Variants in AKAP19 observed in about 807,000 individuals in gnomAD.
AKAP19 encodes the protein small A-kinase anchoring protein.
chr2:190,051,579 A>G, the AKAP19 span, among the ~76,000 whole-genome samples: 1 of 152,242 alleles, frequency 6.6e-6, no homozygotes, highest in African/African-American at 2.4e-5. Flanking sequence ...ACTTGGTGCA[A>G]TTTGTTTCAG....
At chr2:190,067,896 T>A in the AKAP19 span, among the ~76,000 whole-genome samples, 5,674 of 152,176 alleles carry the variant, frequency 0.037, 365 homozygotes, top group African/African-American at 0.13. Flanking sequence ...TCCTCATTTT[T>A]TCTATTGAAA....
At chr2:190,194,416 G>T in the AKAP19 span, among the ~76,000 whole-genome samples, 1 of 151,442 alleles carries the variant, frequency 6.6e-6, no homozygotes, top group Non-Finnish European at 1.5e-5. Context: ...CTGTTTTTCA[G>T]AGCAGTTTTA....
the AKAP19 span, among the ~76,000 whole-genome samples, chr2:190,081,335 T>G: frequency 1.3e-5 from 2 of 152,084 alleles, no homozygotes; most frequent in Non-Finnish European, 2.9e-5. Flanking sequence ...TCATCTGCAT[T>G]ACAAGACCTC....
the AKAP19 span, among the ~76,000 whole-genome samples, chr2:190,039,518 GT>G: frequency 1.3e-5 from 2 of 152,254 alleles, no homozygotes; most frequent in Non-Finnish European, 2.9e-5. Context: ...ATTGAATGAA[GT>G]TTCTTTTTTT....
At chr2:190,113,840 C>G in the AKAP19 span, among the ~76,000 whole-genome samples, 1 of 152,120 alleles carries the variant, frequency 6.6e-6, no homozygotes, top group Non-Finnish European at 1.5e-5. Context: ...GTCCCCTACC[C>G]CTGTTCCTTG....
the AKAP19 span, among the ~76,000 whole-genome samples, chr2:190,009,427 T>C: frequency 6.6e-6 from 1 of 152,106 alleles, no homozygotes; most frequent in African/African-American, 2.4e-5. Context: ...CAGAAAGATA[T>C]TGTGATATAT....
chr2:190,061,064 G>A, the AKAP19 span, among the ~76,000 whole-genome samples: 15 of 152,148 alleles, frequency 9.9e-5, no homozygotes, highest in Admixed American at 9.2e-4. Context: ...TTAGGGCCAG[G>A]CTGTCATGTA....
the AKAP19 span, among the ~76,000 whole-genome samples, chr2:190,141,054 A>G: frequency 1.3e-5 from 2 of 152,104 alleles, no homozygotes; most frequent in Admixed American, 6.5e-5. Context: ...CTTTTACTCC[A>G]ATTCCCAACA....
At chr2:189,927,059 A>G in the AKAP19 span, among the ~76,000 whole-genome samples, 1 of 151,226 alleles carries the variant, frequency 6.6e-6, no homozygotes, top group African/African-American at 2.4e-5. Flanking sequence ...AATTTTTTTT[A>G]TTTTTATTTT....
At chr2:190,188,878 G>A in the AKAP19 span, among the ~76,000 whole-genome samples, 1 of 152,110 alleles carries the variant, frequency 6.6e-6, no homozygotes, top group African/African-American at 2.4e-5. Flanking sequence ...ATGAAAATCT[G>A]ATTAACAAAT....
the AKAP19 span, among the ~76,000 whole-genome samples, chr2:190,108,921 A>G: frequency 1.3e-5 from 2 of 152,160 alleles, no homozygotes; most frequent in Admixed American, 1.3e-4. Context: ...CAAAGACTTC[A>G]TAGGTTGGCA....
chr2:189,981,273 C>CT, the AKAP19 span, among the ~76,000 whole-genome samples: 1,673 of 128,956 alleles, frequency 0.013, 22 homozygotes, highest in African/African-American at 0.039. Flanking sequence ...CCTTCTTTGT[C>CT]TTTTTTTTTT....
the AKAP19 span, among the ~76,000 whole-genome samples, chr2:189,897,733 G>A: frequency 6.6e-6 from 1 of 151,916 alleles, no homozygotes; most frequent in East Asian, 1.9e-4. Context: ...ATATTTCTTG[G>A]GGCAAATTAA....
At chr2:189,880,923 A>T in the AKAP19 span, among the ~76,000 whole-genome samples, 1 of 152,190 alleles carries the variant, frequency 6.6e-6, no homozygotes, top group African/African-American at 2.4e-5. Flanking sequence ...GCCAATGTTC[A>T]TGGATTTATA....
chr2:190,137,541 C>A, the AKAP19 span, among the ~76,000 whole-genome samples: 42,375 of 151,830 alleles, frequency 0.28, 6,119 homozygotes, highest in Admixed American at 0.37. Flanking sequence ...CAAAGGTCTT[C>A]ATCTTTTTGT....
At chr2:190,077,292 C>T in the AKAP19 span, among the ~76,000 whole-genome samples, 1 of 151,516 alleles carries the variant, frequency 6.6e-6, no homozygotes, top group Non-Finnish European at 1.5e-5. Context: ...TCACTGCAAC[C>T]TCTGCCTCTT....
the AKAP19 span, among the ~76,000 whole-genome samples, chr2:190,143,218 G>A: frequency 6.8e-6 from 1 of 147,758 alleles, no homozygotes; most frequent in South Asian, 2.2e-4. Context: ...TGTAACTGCT[G>A]CCTGGAGTTT....
chr2:190,184,297 A>T, the AKAP19 span, among the ~76,000 whole-genome samples: 1 of 152,206 alleles, frequency 6.6e-6, no homozygotes, highest in South Asian at 2.1e-4. Context: ...AACAGTTTCA[A>T]CACTGCATTG....
At chr2:189,908,664 A>C in the AKAP19 span, among the ~76,000 whole-genome samples, 1 of 152,214 alleles carries the variant, frequency 6.6e-6, no homozygotes, top group African/African-American at 2.4e-5. Flanking sequence ...GGGGATTTAA[A>C]AATGTTTGTC....
Sources: gnomAD v4.1 joint callset for allele counts (sites outside exome capture counted in the v4.1 genomes callset) on GRCh38, gnomAD v4.1.1 for gene constraint, MANE v1.5 for transcripts, NCBI Gene and HGNC (gene_info 2026-07-23, HGNC 2026-07-21) for gene names.